Variants in FRMD4A observed in about 807,000 individuals in gnomAD.
FRMD4A encodes FERM domain-containing protein 4A.
FRMD4A carries 29 observed loss-of-function variants against 129.1 expected under a neutral mutation model. The ratio of observed to expected loss-of-function variants is 0.22; its 90% CI spans 0.17 to 0.31. The LOEUF (loss-of-function observed/expected upper bound fraction) is 0.31, where lower values mean the gene tolerates loss of function less well. Ranked by LOEUF, FRMD4A falls within the 10% of genes least tolerant of loss-of-function variation. FRMD4A has a pLI of 1.00. For missense variants in FRMD4A, 1,272 were observed against 1,375.8 expected, an observed-to-expected ratio of 0.92 and a Z score of 1.19; for synonymous variants, 634 against 571.6, an observed-to-expected ratio of 1.11 and a Z score of -1.56.
intron 2 of FRMD4A, among the ~76,000 whole-genome samples, chr10:14,313,211 T>A (rs1458255868): frequency 4.0e-5 from 6 of 150,422 alleles, no homozygotes; most frequent in South Asian, 2.1e-4. Flanking sequence ...AATTTTTTTT[T>A]AATTAACCAG....
intron 2 of FRMD4A, among the ~76,000 whole-genome samples, chr10:13,989,274 G>T (rs2095594711): frequency 6.6e-6 from 1 of 152,140 alleles, no homozygotes; most frequent in African/African-American, 2.4e-5. Context: ...CAGCCCAGAG[G>T]CTACCATGTT....
At chr10:14,314,690 T>A (rs981443634) in intron 2 of FRMD4A, among the ~76,000 whole-genome samples, 1 of 152,200 alleles carries the variant, frequency 6.6e-6, no homozygotes, top group Non-Finnish European at 1.5e-5. Context: ...TTGCAATCTC[T>A]CTGAGCTTCC....
intron 2 of FRMD4A, among the ~76,000 whole-genome samples, chr10:13,969,527 G>A (rs935430932): frequency 2.0e-5 from 3 of 152,170 alleles, no homozygotes; most frequent in South Asian, 2.1e-4. Flanking sequence ...CCCCTGAGGC[G>A]GGGCTAGCCC....
intron 2 of FRMD4A, among the ~76,000 whole-genome samples, chr10:13,937,533 G>T (rs942112039): frequency 6.6e-6 from 1 of 152,074 alleles, no homozygotes; most frequent in African/African-American, 2.4e-5. Flanking sequence ...GTTTAGACCC[G>T]CCTCAAATTG....
At chr10:13,668,985 C>T (rs1369318936) in intron 17 of FRMD4A, among the ~76,000 whole-genome samples, 2 of 151,980 alleles carry the variant, frequency 1.3e-5, no homozygotes, top group African/African-American at 4.8e-5. Flanking sequence ...CTCATTCAAT[C>T]CCAGGGACAC....
chr10:14,129,398 AT>A (rs1839114737), intron 2 of FRMD4A, among the ~76,000 whole-genome samples: 1 of 132,702 alleles, frequency 7.5e-6, no homozygotes, highest in Non-Finnish European at 1.6e-5. Flanking sequence ...ATATATATAT[AT>A]ATATATATAA....
At chr10:13,881,524 G>C (rs1467256539) in intron 2 of FRMD4A, among the ~76,000 whole-genome samples, 11 of 152,200 alleles carry the variant, frequency 7.2e-5, no homozygotes, top group Admixed American at 7.2e-4. Context: ...CTAGCAGAGA[G>C]AAGAGCTGAC....
At chr10:14,088,928 G>A (rs755735218) in intron 2 of FRMD4A, among the ~76,000 whole-genome samples, 17 of 152,158 alleles carry the variant, frequency 1.1e-4, no homozygotes, top group Non-Finnish European at 1.9e-4. Flanking sequence ...GAGCAGGGGC[G>A]GGGACCAGGG....
chr10:13,963,269 CTTTTTTT>C (rs142764391), intron 2 of FRMD4A, among the ~76,000 whole-genome samples: 6 of 116,816 alleles, frequency 5.1e-5, no homozygotes, highest in African/African-American at 1.6e-4. Context: ...GTGCAAGCCT[CTTTTTTT>C]TTTTTTTTTT....
At chr10:14,276,140 G>C (rs1192789958) in intron 2 of FRMD4A, among the ~76,000 whole-genome samples, 1 of 152,168 alleles carries the variant, frequency 6.6e-6, no homozygotes, top group East Asian at 1.9e-4. Context: ...ACCTCTGGGG[G>C]ATAGTTTTTT....
intron 2 of FRMD4A, among the ~76,000 whole-genome samples, chr10:14,127,970 CTTTCTTTCCT>C (rs557978705): frequency 0.29 from 18,400 of 63,352 alleles, 2,627 homozygotes; most frequent in South Asian, 0.32. Flanking sequence ...TTCTTTCTTT[CTTTCTTTCCT>C]TCTCTCTCTC....
At chr10:14,303,408 C>T (rs1474933798) in intron 2 of FRMD4A, among the ~76,000 whole-genome samples, 2 of 152,186 alleles carry the variant, frequency 1.3e-5, no homozygotes, top group African/African-American at 4.8e-5. Context: ...GCTGTGGGCG[C>T]TAGGGCCTGG....
chr10:13,918,749 G>C (rs978339929), intron 2 of FRMD4A, among the ~76,000 whole-genome samples: 3 of 151,636 alleles, frequency 2.0e-5, no homozygotes, highest in African/African-American at 7.3e-5. Context: ...GGCTGGTCTC[G>C]AACTCCTGAC....
At chr10:14,039,122 A>G (rs1588845542) in intron 2 of FRMD4A, among the ~76,000 whole-genome samples, 3 of 152,236 alleles carry the variant, frequency 2.0e-5, no homozygotes. Context: ...GATTTTTGTC[A>G]TGTACTGCAA....
At chr10:13,655,107 C>G (rs1056226786) in intron 22 of FRMD4A, 1 of 152,474 alleles carries the variant, frequency 6.6e-6, no homozygotes, top group Non-Finnish European at 1.5e-5. Context: ...TACGCATTTA[C>G]TGATGTAGGC....
At chr10:13,703,187 G>C (rs532521625) in intron 13 of FRMD4A, among the ~76,000 whole-genome samples, 3 of 152,126 alleles carry the variant, frequency 2.0e-5, no homozygotes, top group Non-Finnish European at 2.9e-5. Context: ...CTCAGGTACC[G>C]GGAGGGCAGA....
At chr10:13,933,765 C>G (rs1369152397) in intron 2 of FRMD4A, among the ~76,000 whole-genome samples, 1 of 152,072 alleles carries the variant, frequency 6.6e-6, no homozygotes, top group Non-Finnish European at 1.5e-5. Context: ...TATCTCTGCC[C>G]CTAGAGGCCC....
At position 14,273,827 on chromosome 10, in the gene FRMD4A, T is replaced by C. The variant is rs143608956; in HGVS notation, c.45+56231A>G. ...GGATATTGAGAGCCAGGCTGTCTCA[T>C]AGAAAAGTTGAGATTTATTTAGTCA... On this transcript the variant is annotated intron_variant, in intron 2 of 24. Transcript: ENST00000357447. Among the ~76,000 whole-genome samples the C allele has an allele frequency of 8.6e-3, 1,305 of 152,312 alleles. 8 individuals are homozygous for C. Among genetic ancestry groups the C allele is most frequent in the Non-Finnish European group, 0.012 (786 of 68,020 alleles).
chr10:13,908,026 A>G (rs1381971108), intron 2 of FRMD4A, among the ~76,000 whole-genome samples: 1 of 151,748 alleles, frequency 6.6e-6, no homozygotes, highest in African/African-American at 2.4e-5. Context: ...TTAGCCAGGC[A>G]TGGTGGCGGG....
Sources: gnomAD v4.1 joint callset for allele counts (sites outside exome capture counted in the v4.1 genomes callset) on GRCh38, gnomAD v4.1.1 for gene constraint, MANE v1.5 for transcripts, NCBI Gene and HGNC (gene_info 2026-07-23, HGNC 2026-07-21) for gene names.